Variants in CSRNP3 observed in about 807,000 individuals in gnomAD.
CSRNP3 encodes the protein cysteine/serine-rich nuclear protein 3.
A neutral mutation model predicts 48.0 loss-of-function variants in CSRNP3; 12 were observed. That is an observed-to-expected ratio of 0.25 (90% CI 0.16 to 0.41). CSRNP3 has a LOEUF of 0.41. Among genes scored for constraint, CSRNP3 ranks in the 10% least tolerant of loss-of-function variants. The pLI, the probability that CSRNP3 is intolerant of heterozygous loss-of-function variation, is 1.00. For missense variants in CSRNP3, 580 were observed against 724.4 expected (o/e 0.80, Z 2.29); for synonymous variants, 263 against 269.7 (o/e 0.98, Z 0.24).
chr2:165,481,404 C>T (rs540814658), intron 1 of CSRNP3, among the ~76,000 whole-genome samples: 1 of 129,352 alleles, frequency 7.7e-6, no homozygotes, highest in East Asian at 2.1e-4. Context: ...AGCCTCTTTC[C>T]TGGAGTGTGG....
intron 4 of CSRNP3, among the ~76,000 whole-genome samples, chr2:165,628,681 G>A (rs13389429): frequency 0.36 from 53,961 of 151,934 alleles, 10,351 homozygotes; most frequent in East Asian, 0.59. Flanking sequence ...GCGAGATGGC[G>A]CCATCACACT....
rs553771169 is a variant in CSRNP3 at position 165,627,402 on chromosome 2, C to T, written c.149-30359C>T. On this transcript the variant is annotated intron_variant, in intron 4 of 6. Transcript: ENST00000651982. The stretch of plus-strand genomic sequence containing the variant: ...CCTGGAAGCTCTTTTGCACTGACTG[C>T]TCTTTCTATTATAGCCACAGGCAGC... 5.3e-5 allele frequency among the ~76,000 whole-genome samples: 8 copies of T among 152,232 alleles called. No homozygotes were observed. The East Asian group carries it at 1.5e-3, about 29-fold the overall frequency.
intron 4 of CSRNP3, among the ~76,000 whole-genome samples, chr2:165,622,655 T>C (rs1686360099): frequency 6.6e-6 from 1 of 152,168 alleles, no homozygotes; most frequent in Admixed American, 6.5e-5. Context: ...TGACACCATG[T>C]TCCCATTTCT....
In CSRNP3 at chr2:165,489,282, A is replaced by C. The variant is rs1242187855; in HGVS notation, c.-282-5477A>C. On this transcript the variant is annotated intron_variant, in intron 1 of 6. Transcript: ENST00000651982. ...AATCTCTGAATAGACCAATAACAGG[A>C]GCTGAAATTGTGGCAATAATCAATA... 5.3e-5 allele frequency among the ~76,000 whole-genome samples: 8 copies of C among 149,698 alleles called. No individual in the cohort carries two copies. In the South Asian group the frequency reaches 6.4e-4, roughly 12 times the overall value.
chr2:165,676,110 C>T (rs1687418009), intron 5 of CSRNP3, among the ~76,000 whole-genome samples: 1 of 152,130 alleles, frequency 6.6e-6, no homozygotes, highest in Non-Finnish European at 1.5e-5. Flanking sequence ...CTTCTGTTAC[C>T]CGTACATTTA....
intron 5 of CSRNP3, among the ~76,000 whole-genome samples, chr2:165,671,120 A>G (rs1016606491): frequency 1.6e-4 from 24 of 152,230 alleles, no homozygotes; most frequent in Admixed American, 2.6e-4. Flanking sequence ...AAGCATACTG[A>G]AAGAGGAGTC....
chr2:165,529,672 G>A (rs181301710), intron 3 of CSRNP3, among the ~76,000 whole-genome samples: 60 of 152,220 alleles, frequency 3.9e-4, no homozygotes, highest in Middle Eastern at 3.4e-3. Flanking sequence ...TCAAACCGGC[G>A]TGGATGTATG....
intron 3 of CSRNP3, among the ~76,000 whole-genome samples, chr2:165,556,817 GCTT>G (rs1685166331): frequency 6.6e-6 from 1 of 152,142 alleles, no homozygotes; most frequent in Non-Finnish European, 1.5e-5. Flanking sequence ...TGCAAGAAGA[GCTT>G]CTCTTGTTTT....
chr2:165,590,069 T>C (rs1685691891), intron 3 of CSRNP3, among the ~76,000 whole-genome samples: 1 of 152,248 alleles, frequency 6.6e-6, no homozygotes, highest in Non-Finnish European at 1.5e-5. Flanking sequence ...CTACTTTTAT[T>C]TCAAGACTTT....
intron 4 of CSRNP3, among the ~76,000 whole-genome samples, chr2:165,655,625 G>C (rs1005495925): frequency 2.0e-5 from 3 of 152,136 alleles, no homozygotes; most frequent in Non-Finnish European, 4.4e-5. Flanking sequence ...ACTTACTACA[G>C]CAGAAACTGC....
At chr2:165,494,703 C>T (rs962669045) in intron 1 of CSRNP3, 56 bp from the exon 2 acceptor site, 1 of 161,278 alleles carries the variant, frequency 6.2e-6, no homozygotes, top group Admixed American at 6.4e-5. Flanking sequence ...GAGACTTTGA[C>T]TATGCAATCA....
intron 2 of CSRNP3, among the ~76,000 whole-genome samples, chr2:165,502,843 TATG>T (rs1369246113): frequency 6.6e-6 from 1 of 151,982 alleles, no homozygotes; most frequent in African/African-American, 2.4e-5. Context: ...CATAGATTAA[TATG>T]ATTAGTGAAA....
At chr2:165,527,199 CTTTTTT>C (rs535826285) in intron 3 of CSRNP3, among the ~76,000 whole-genome samples, 1 of 87,296 alleles carries the variant, frequency 1.1e-5, no homozygotes, top group African/African-American at 4.6e-5. Context: ...GCTGTTTGTA[CTTTTTT>C]TTTTTTTTTT....
At chr2:165,539,711 G>T (rs1012295180) in intron 3 of CSRNP3, among the ~76,000 whole-genome samples, 14 of 151,954 alleles carry the variant, frequency 9.2e-5, no homozygotes, top group Admixed American at 9.2e-4. Flanking sequence ...ACTCCAAGTG[G>T]CTGCCTGCTA....
At chr2:165,493,819 G>A (rs995627995) in intron 1 of CSRNP3, among the ~76,000 whole-genome samples, 1 of 151,932 alleles carries the variant, frequency 6.6e-6, no homozygotes. Flanking sequence ...TATCCTTGTT[G>A]CAAATAACTA....
chr2:165,644,698 T>TG (rs1375465841), intron 4 of CSRNP3, among the ~76,000 whole-genome samples: 1 of 152,194 alleles, frequency 6.6e-6, no homozygotes, highest in African/African-American at 2.4e-5. Flanking sequence ...GAAGGCTTCC[T>TG]GGTGGTGACA....
intron 1 of CSRNP3, among the ~76,000 whole-genome samples, chr2:165,479,443 T>A (rs1236641604): frequency 6.6e-6 from 1 of 152,150 alleles, no homozygotes; most frequent in East Asian, 1.9e-4. Flanking sequence ...CTAACCCCCA[T>A]ATGCTTCAGT....
chr2:165,637,992 ATAT>A (rs1686660002), intron 4 of CSRNP3, among the ~76,000 whole-genome samples: 1 of 152,204 alleles, frequency 6.6e-6, no homozygotes, highest in Non-Finnish European at 1.5e-5. Flanking sequence ...ACATTTTCTA[ATAT>A]TATTGAAATA....
intron 4 of CSRNP3, among the ~76,000 whole-genome samples, chr2:165,649,070 A>C (rs1458495813): frequency 6.6e-6 from 1 of 152,188 alleles, no homozygotes; most frequent in Non-Finnish European, 1.5e-5. Flanking sequence ...TGACGACGTG[A>C]CATGCATGTT....
Sources: gnomAD v4.1 joint callset for allele counts (sites outside exome capture counted in the v4.1 genomes callset) on GRCh38, gnomAD v4.1.1 for gene constraint, MANE v1.5 for transcripts, NCBI Gene and HGNC (gene_info 2026-07-23, HGNC 2026-07-21) for gene names.